The following ZC3HAV1 variants were observed in gnomAD, a reference collection of about 807,000 sequenced individuals.
The protein encoded by ZC3HAV1 is zinc finger CCCH-type containing, antiviral 1.
Under a neutral mutation model 86.6 loss-of-function variants are expected in ZC3HAV1, and 41 were observed. The ratio of observed to expected loss-of-function variants is 0.47; its 90% confidence interval spans 0.37 to 0.61. The LOEUF (loss-of-function observed/expected upper bound fraction) is 0.61. Ranked by LOEUF, ZC3HAV1 falls within the 20% of genes least tolerant of loss-of-function variation. ZC3HAV1 has a pLI of 0.00. For synonymous variants in ZC3HAV1, 421 were observed against 432.1 expected (o/e 0.97, Z 0.32); for missense variants, 964 against 1,141.1 (o/e 0.84, Z 2.24).
At chr7:139,101,493 C>G (rs1817767563) in intron 1 of ZC3HAV1, among the ~76,000 whole-genome samples, 9 of 102,326 alleles carry the variant, frequency 8.8e-5, no homozygotes, top group South Asian at 3.7e-4. Flanking sequence ...AGCCCGGCCA[C>G]CACCCCGTCT....
intron 1 of ZC3HAV1, among the ~76,000 whole-genome samples, chr7:139,090,384 C>G (rs1351439654): frequency 6.6e-6 from 1 of 152,118 alleles, no homozygotes; most frequent in African/African-American, 2.4e-5. Context: ...ACCACCACAC[C>G]CAGCCTATTA....
Position 139,109,442 on chromosome 7 carries a change from C to A in ZC3HAV1, c.-111G>T, listed in dbSNP as rs941537186. 7.3e-7 allele frequency: 1 copy of A among 1,362,578 alleles called. No homozygotes were observed. Among genetic ancestry groups the A allele is most frequent in the Admixed American group, 2.9e-5 (1 of 34,384 alleles). The allele number at this position is 1,362,578 out of a possible 1,614,324, so 84.4% of individuals were successfully genotyped here. A position where few individuals can be genotyped will look rare whatever the true frequency, so the allele number is the denominator to read the frequency against. On this transcript the variant is annotated 5_prime_UTR_variant, in exon 1 of 13. Coordinates refer to ENST00000242351, the MANE Select transcript of ZC3HAV1 (RefSeq NM_020119.4). The stretch of plus-strand genomic sequence containing the variant: ...GGGCGCGGGCGGTGCTACTGCTGGG[C>A]GCGCCCGGAGTCAGCGAGGGCGCGC...
chr7:139,070,553 A>G (rs887035665), intron 7 of ZC3HAV1, among the ~76,000 whole-genome samples: 1 of 148,538 alleles, frequency 6.7e-6, no homozygotes, highest in East Asian at 2.1e-4. Flanking sequence ...AGTCCCAGCT[A>G]TTTGGGAGGC....
intron 5 of ZC3HAV1, among the ~76,000 whole-genome samples, chr7:139,078,243 CA>C (rs1817012714): frequency 6.6e-6 from 1 of 151,972 alleles, no homozygotes; most frequent in Non-Finnish European, 1.5e-5. Flanking sequence ...CGTCTCAAAA[CA>C]AACAAACAAA....
chr7:139,103,473 T>G (rs1817838103), intron 1 of ZC3HAV1, among the ~76,000 whole-genome samples: 1 of 152,066 alleles, frequency 6.6e-6, no homozygotes, highest in Admixed American at 6.5e-5. Flanking sequence ...GCCAAAAAAG[T>G]CTGATAACAC....
chr7:139,087,430 A>G (rs1260984575), intron 2 of ZC3HAV1, among the ~76,000 whole-genome samples: 4 of 151,488 alleles, frequency 2.6e-5, no homozygotes, highest in Non-Finnish European at 2.9e-5. Flanking sequence ...AGAGAGAGAG[A>G]GAGAGGGAGA....
At chr7:139,088,420 C>A (rs907352424) in intron 2 of ZC3HAV1, among the ~76,000 whole-genome samples, 2 of 152,184 alleles carry the variant, frequency 1.3e-5, no homozygotes, top group Non-Finnish European at 2.9e-5. Flanking sequence ...GTGCCATATA[C>A]AATGTCCATG....
In ZC3HAV1 at chr7:139,043,892, T is replaced by C. The variant is rs1815885600; in HGVS notation, c.*3702A>G. On this transcript the variant is annotated 3_prime_UTR_variant, in exon 13 of 13. Coordinates refer to ENST00000242351, the MANE Select transcript of ZC3HAV1 (RefSeq NM_020119.4). ...GTTGAGCCAATCTAAGGATGCTAGA[T>C]ATTCAGTAGGTCAGTGGAAAAAATC... 2 of 152,218 alleles carry C rather than the reference T, an allele frequency of 1.3e-5. No homozygotes were observed. The highest frequency in any genetic ancestry group is 1.3e-4 in the Admixed American group (2 of 15,280). The allele number at this position is 152,218 out of a possible 1,614,324, so 9.4% of individuals were successfully genotyped here. A position where few individuals can be genotyped will look rare whatever the true frequency, so the allele number is the denominator to read the frequency against.
chr7:139,048,054 T>G (rs1272071790), intron 12 of ZC3HAV1, among the ~76,000 whole-genome samples: 1 of 152,154 alleles, frequency 6.6e-6, no homozygotes. Context: ...CCTATAGAAA[T>G]GACTGAGGAA....
chr7:139,044,978 C>T lies in ZC3HAV1; in HGVS notation c.*2616G>A, dbSNP rs1815917015. On this transcript the variant is annotated 3_prime_UTR_variant, in exon 13 of 13. Transcript: ENST00000242351. ...CTGATATCCCTGCTTTTACATTTTC[C>T]CACATATGATCTGATCTCCTACCTT... is the stretch of plus-strand genomic sequence containing the variant. The T allele has an allele frequency of 6.6e-6, 1 of 152,044 alleles. No homozygotes were observed. Among genetic ancestry groups the T allele is most frequent in the African/African-American group, 2.4e-5 (1 of 41,376 alleles). The allele number at this position is 152,044 out of a possible 1,614,324, so 9.4% of individuals were successfully genotyped here.
intron 5 of ZC3HAV1, among the ~76,000 whole-genome samples, chr7:139,077,519 C>T (rs997862356): frequency 1.3e-5 from 2 of 152,210 alleles, no homozygotes; most frequent in East Asian, 1.9e-4. Context: ...TCTGGGATTA[C>T]AGGCGTAAGC....
chr7:139,053,261 C>T (rs776548531), intron 12 of ZC3HAV1, among the ~76,000 whole-genome samples, 190 bp downstream of exon 12: 1 of 152,208 alleles, frequency 6.6e-6, no homozygotes, highest in Non-Finnish European at 1.5e-5. Context: ...GTCCAGCAAT[C>T]AAGCTCCAAG....
chr7:139,072,406 G>A (rs531778716), intron 7 of ZC3HAV1, among the ~76,000 whole-genome samples: 3 of 151,930 alleles, frequency 2.0e-5, no homozygotes, highest in Non-Finnish European at 2.9e-5. Context: ...GGCTGGTCTC[G>A]AACTCCTGAC....
intron 1 of ZC3HAV1, among the ~76,000 whole-genome samples, chr7:139,098,404 A>G (rs1817667545): frequency 6.6e-6 from 1 of 152,302 alleles, no homozygotes; most frequent in East Asian, 1.9e-4. Flanking sequence ...CATGCTCAAA[A>G]CATTCTCTGC....
chr7:139,097,270 A>G (rs937112208), intron 1 of ZC3HAV1, among the ~76,000 whole-genome samples: 1 of 149,646 alleles, frequency 6.7e-6, no homozygotes, highest in African/African-American at 2.4e-5. Context: ...GGGAACCTGC[A>G]TTTTAGTAGA....
chr7:139,082,473 T>A (rs959929092), intron 3 of ZC3HAV1, among the ~76,000 whole-genome samples: 15 of 152,160 alleles, frequency 9.9e-5, no homozygotes, highest in African/African-American at 3.6e-4. Context: ...AATTACCATA[T>A]GATCCAGCAA....
chr7:139,086,867 C>T (rs76922472), intron 2 of ZC3HAV1, among the ~76,000 whole-genome samples: 9,747 of 152,224 alleles, frequency 0.064, 338 homozygotes, highest in African/African-American at 0.08. Flanking sequence ...CCGTCCACCA[C>T]GATTGTAAGC....
intron 1 of ZC3HAV1, among the ~76,000 whole-genome samples, chr7:139,091,399 C>T (rs763518558): frequency 6.6e-6 from 1 of 152,002 alleles, no homozygotes; most frequent in Non-Finnish European, 1.5e-5. Context: ...ACCCGGAAGG[C>T]GGAGCTTGCA....
intron 1 of ZC3HAV1, among the ~76,000 whole-genome samples, chr7:139,104,333 C>T (rs892690692): frequency 1.3e-5 from 2 of 152,090 alleles, no homozygotes; most frequent in Non-Finnish European, 2.9e-5. Flanking sequence ...AGGCAGCCTG[C>T]TTGAAACAGT....
Sources: gnomAD v4.1 joint callset for allele counts (sites outside exome capture counted in the v4.1 genomes callset) on GRCh38, gnomAD v4.1.1 for gene constraint, MANE v1.5 for transcripts, NCBI Gene and HGNC (gene_info 2026-07-23, HGNC 2026-07-21) for gene names.